ANTXR1: variants seen among roughly 807,000 people sequenced by gnomAD.
ANTXR1 encodes the protein anthrax toxin receptor 1.
ANTXR1 carries 19 observed loss-of-function variants against 78.1 expected under a neutral mutation model. The ratio of observed to expected loss-of-function variants is 0.24; its 90% CI spans 0.17 to 0.36. The LOEUF is 0.36. ANTXR1 is among the 10% of genes least tolerant of loss of function. The probability of loss-of-function intolerance (pLI) is 1.00; values close to 1 mark genes in which losing one functional copy is unlikely to be tolerated. For missense variants in ANTXR1, 518 were observed against 718.6 expected (o/e 0.72, Z 3.19); for synonymous variants, 273 against 260.5 (o/e 1.05, Z -0.46).
rs576344809 is a variant in ANTXR1, at chr2:69,247,707, T to C, written c.*2222T>C. 1.3e-5 allele frequency: 2 copies of C among 152,636 alleles called. No homozygotes were observed. Among genetic ancestry groups the C allele is most frequent in the African/African-American group, 4.8e-5 (2 of 41,526 alleles). The allele number at this position is 152,636 out of a possible 1,614,324, so 9.5% of individuals were successfully genotyped here. A position where few individuals can be genotyped will look rare whatever the true frequency, so the allele number is the denominator to read the frequency against. On this transcript the variant is annotated 3_prime_UTR_variant, in exon 18 of 18. Coordinates refer to ENST00000303714, the MANE Select transcript of ANTXR1 (RefSeq NM_032208.3). The stretch of plus-strand genomic sequence containing the variant: ...AGACATTGAGCCCATCACAACTGTT[T>C]TGACTGCTGGCAGTCTAAAACAGTC...
chr2:69,125,273 A>G (rs1489965444), intron 12 of ANTXR1, among the ~76,000 whole-genome samples: 2 of 152,116 alleles, frequency 1.3e-5, no homozygotes, highest in African/African-American at 4.8e-5. Flanking sequence ...CCTTCTCTGG[A>G]GCCTTCGCAT....
At chr2:69,145,052 G>T (rs1673183858) in intron 12 of ANTXR1, among the ~76,000 whole-genome samples, 1 of 152,206 alleles carries the variant, frequency 6.6e-6, no homozygotes, top group South Asian at 2.1e-4. Context: ...GAAAACCTCA[G>T]CATTGCCTTT....
At chr2:69,176,028 A>G (rs773652990) in intron 14 of ANTXR1, among the ~76,000 whole-genome samples, 4 of 151,998 alleles carry the variant, frequency 2.6e-5, no homozygotes, top group Non-Finnish European at 5.9e-5. Context: ...GGGCCAAGCT[A>G]CTGTCAGGCA....
intron 16 of ANTXR1, among the ~76,000 whole-genome samples, chr2:69,190,068 T>A (rs1303762956): frequency 6.6e-6 from 1 of 151,904 alleles, no homozygotes; most frequent in Non-Finnish European, 1.5e-5. Flanking sequence ...AGGTGCCAAA[T>A]GAAGGCCACC....
chr2:69,080,600 C>T (rs1030634113), intron 8 of ANTXR1, among the ~76,000 whole-genome samples: 1 of 152,096 alleles, frequency 6.6e-6, no homozygotes, highest in East Asian at 1.9e-4. Context: ...ACAACTAAAG[C>T]AGGTAGAGGC....
intron 1 of ANTXR1, among the ~76,000 whole-genome samples, chr2:69,027,990 C>T (rs577653560): frequency 1.3e-5 from 2 of 151,894 alleles, no homozygotes; most frequent in Non-Finnish European, 2.9e-5. Flanking sequence ...AAGAGCAGAA[C>T]AGACAATGCA....
chr2:69,230,607 G>A (rs1028702898), intron 17 of ANTXR1, among the ~76,000 whole-genome samples: 1 of 152,146 alleles, frequency 6.6e-6, no homozygotes, highest in East Asian at 1.9e-4. Flanking sequence ...TATGTAGCCT[G>A]ACTTCAGAAT....
At position 69,013,799 on chromosome 2, in the gene ANTXR1, C is replaced by G; in HGVS notation, c.152+148C>G. On this transcript the variant is annotated intron_variant, in intron 1 of 17. Coordinates refer to ENST00000303714, the MANE Select transcript of ANTXR1 (RefSeq NM_032208.3). The surrounding 1 kb of genome is among the most constrained non-coding windows in gnomAD (Gnocchi z 5.0). ...CCGCGCGGCAGGCGGCGGCGGAGTG[C>G]TGCGCCTTTGTTGGGGCGCGCTCCT... 1 of 1,384,236 alleles carries G rather than the reference C, an allele frequency of 7.2e-7. No individual in the cohort carries two copies. Among genetic ancestry groups the G allele is most frequent in the East Asian group, 2.5e-5 (1 of 40,078 alleles). The allele number at this position is 1,384,236 out of a possible 1,614,324, so 85.7% of individuals were successfully genotyped here.
intron 1 of ANTXR1, among the ~76,000 whole-genome samples, chr2:69,032,653 A>C (rs1040830356): frequency 6.6e-6 from 1 of 152,156 alleles, no homozygotes; most frequent in South Asian, 2.1e-4. Context: ...TTACTAACCC[A>C]TTGTCTGTAT....
Position 69,145,329 on chromosome 2 carries a change from C to T in ANTXR1, c.952-6840C>T, listed in dbSNP as rs754081794. ...TTTTATGTTCTCTTTCTTAAAGAGC[C>T]TCCACAAAATTGCATCAGGCCCCAC... is the stretch of plus-strand genomic sequence containing the variant. On this transcript the variant is annotated intron_variant, in intron 12 of 17. Coordinates refer to ENST00000303714, the MANE Select transcript of ANTXR1 (RefSeq NM_032208.3). The T allele has an allele frequency of 5.6e-6, 9 of 1,594,560 alleles. No individual in the cohort carries two copies. The South Asian group carries it at 1.0e-4, about 18-fold the overall frequency.
rs114398808 is a variant in ANTXR1, at chr2:69,127,494, T to A, written c.951+2851T>A. Among the ~76,000 whole-genome samples, 1,138 of 152,068 alleles carry A rather than the reference T, an allele frequency of 7.5e-3. 18 individuals carry two copies. Among genetic ancestry groups the A allele is most frequent in the Middle Eastern group, 0.01 (3 of 294 alleles). On this transcript the variant is annotated intron_variant, in intron 12 of 17. Coordinates refer to ENST00000303714, the MANE Select transcript of ANTXR1 (RefSeq NM_032208.3). ...GGCAGTGAGGTGCCTGGGGATAGGA[T>A]GTGCAGGGTTGTGGAAGGACTTTGG...
At chr2:69,125,169 T>A (rs11693455) in intron 12 of ANTXR1, among the ~76,000 whole-genome samples, 12,820 of 152,186 alleles carry the variant, frequency 0.084, 796 homozygotes, top group East Asian at 0.33. Flanking sequence ...GGAAAACTGA[T>A]GAAGCAGGAG....
At chr2:69,172,479 A>G in intron 14 of ANTXR1, 8 of 1,521,318 alleles carry the variant, frequency 5.3e-6, no homozygotes, top group South Asian at 2.6e-5. Flanking sequence ...CATAGTCTCA[A>G]TCTAGACAGT....
chr2:69,089,184 G>C (rs1341692781), intron 8 of ANTXR1, among the ~76,000 whole-genome samples: 2 of 152,220 alleles, frequency 1.3e-5, no homozygotes, highest in Non-Finnish European at 2.9e-5. Flanking sequence ...AAAGTAGTCA[G>C]AAAATCTGAA....
At chr2:69,079,891 A>T (rs1670849797) in intron 8 of ANTXR1, among the ~76,000 whole-genome samples, 1 of 152,212 alleles carries the variant, frequency 6.6e-6, no homozygotes, top group Admixed American at 6.5e-5. Context: ...TGTATGCATA[A>T]ATCAGTGTTG....
At chr2:69,207,590 T>G (rs936926077) in intron 17 of ANTXR1, among the ~76,000 whole-genome samples, 1 of 152,216 alleles carries the variant, frequency 6.6e-6, no homozygotes, top group Non-Finnish European at 1.5e-5. Flanking sequence ...GAATTTTCTT[T>G]TAAGCTCTTC....
At chr2:69,207,620 G>A (rs974931951) in intron 17 of ANTXR1, among the ~76,000 whole-genome samples, 1 of 152,140 alleles carries the variant, frequency 6.6e-6, no homozygotes, top group African/African-American at 2.4e-5. Context: ...TGGAAGAGTT[G>A]ACCATGGCTT....
At chr2:69,105,093 A>T (rs968478509) in intron 10 of ANTXR1, among the ~76,000 whole-genome samples, 1 of 152,174 alleles carries the variant, frequency 6.6e-6, no homozygotes, top group Non-Finnish European at 1.5e-5. Context: ...CCAAATAATA[A>T]TAGGAAGAAG....
chr2:69,044,823 C>G lies in ANTXR1; in HGVS notation c.296+10C>G, dbSNP rs745546355. 2 of 1,612,928 alleles carry G rather than the reference C, an allele frequency of 1.2e-6. No individual in the cohort carries two copies. The highest frequency in any genetic ancestry group is 1.7e-6 in the Non-Finnish European group (2 of 1,179,142). Reference sequence around the variant, plus strand: ...AACTGACAGAAGACAGGTAAGGATACTTCTTATCTCTGTTGTTAAAAAGTC... The same window carrying G: ...AACTGACAGAAGACAGGTAAGGATAGTTCTTATCTCTGTTGTTAAAAAGTC... On this transcript the variant is annotated intron_variant, in intron 3 of 17. Coordinates refer to ENST00000303714, the MANE Select transcript of ANTXR1 (RefSeq NM_032208.3).
Sources: allele counts gnomAD v4.1 joint callset (sites outside exome capture counted in the v4.1 genomes callset), GRCh38; gene constraint gnomAD v4.1.1; non-coding constraint Gnocchi (gnomAD v3.1); transcripts MANE v1.5; gene names NCBI Gene and HGNC (gene_info 2026-07-23, HGNC 2026-07-21).